The following ASTN2 variants were observed in gnomAD, a reference collection of about 807,000 sequenced individuals.
ASTN2 encodes astrotactin-2.
Under a neutral mutation model 139.8 loss-of-function variants are expected in ASTN2, and 54 were observed. The observed-to-expected ratio is 0.39, with a 90% CI of 0.31 to 0.48. The LOEUF (loss-of-function observed/expected upper bound fraction) is 0.48, where lower values mean the gene tolerates loss of function less well. Among genes scored for constraint, ASTN2 ranks in the 20% least tolerant of loss-of-function variants. The pLI, the probability that ASTN2 is intolerant of heterozygous loss-of-function variation, is 0.95. For synonymous variants in ASTN2, 756 were observed against 719.5 expected, an observed-to-expected ratio of 1.05 and a Z score of -0.81; for missense variants, 1,565 against 1,725.1, an observed-to-expected ratio of 0.91 and a Z score of 1.64.
chr9:117,244,571 AAGGGAGGGAGGG>A (rs143689553), intron 2 of ASTN2, among the ~76,000 whole-genome samples: 1,261 of 101,806 alleles, frequency 0.012, 31 homozygotes, highest in African/African-American at 0.064. Context: ...GGAAGGAAGG[AAGGGAGGGAGGG>A]AGGGAGGGAG....
intron 17 of ASTN2, among the ~76,000 whole-genome samples, chr9:116,635,842 T>A (rs1857047381): frequency 6.6e-6 from 1 of 152,200 alleles, no homozygotes; most frequent in Non-Finnish European, 1.5e-5. Flanking sequence ...AATAGATGGT[T>A]TTCATTGAGT....
At chr9:117,002,289 C>T (rs185081424) in intron 7 of ASTN2, among the ~76,000 whole-genome samples, 3 of 152,242 alleles carry the variant, frequency 2.0e-5, no homozygotes, top group Admixed American at 2.0e-4. Context: ...AGAAGTAATC[C>T]ATTCTACTGA....
intron 13 of ASTN2, among the ~76,000 whole-genome samples, chr9:116,805,427 C>A (rs941443379): frequency 6.6e-6 from 1 of 151,990 alleles, no homozygotes; most frequent in Non-Finnish European, 1.5e-5. Context: ...CAAAGTGGGA[C>A]AAATATATGC....
chr9:117,076,677 G>A (rs1391512777), intron 5 of ASTN2, among the ~76,000 whole-genome samples: 1 of 152,098 alleles, frequency 6.6e-6, no homozygotes, highest in Non-Finnish European at 1.5e-5. Flanking sequence ...CTTGTCTAAG[G>A]CAGGGGCAGC....
At chr9:117,022,572 G>A (rs759964797) in intron 6 of ASTN2, among the ~76,000 whole-genome samples, 4 of 152,076 alleles carry the variant, frequency 2.6e-5, no homozygotes, top group Admixed American at 6.6e-5. Context: ...CAATGGCAAC[G>A]CACTGATTTT....
At chr9:116,696,253 C>G (rs560171561) in intron 16 of ASTN2, among the ~76,000 whole-genome samples, 2 of 152,252 alleles carry the variant, frequency 1.3e-5, no homozygotes, top group South Asian at 4.1e-4. Context: ...CATATATACT[C>G]CCACAGTTTT....
At chr9:116,788,445 G>A (rs1311557630) in intron 13 of ASTN2, among the ~76,000 whole-genome samples, 1 of 152,052 alleles carries the variant, frequency 6.6e-6, no homozygotes, top group Non-Finnish European at 1.5e-5. Flanking sequence ...ATATATAGAA[G>A]TAGTATTTGT....
chr9:117,129,835 C>T (rs1463250254), intron 4 of ASTN2, among the ~76,000 whole-genome samples: 1 of 151,878 alleles, frequency 6.6e-6, no homozygotes, highest in Non-Finnish European at 1.5e-5. Flanking sequence ...TTTCCTTGTT[C>T]CTTCTTATTG....
intron 10 of ASTN2, among the ~76,000 whole-genome samples, chr9:116,891,679 C>T (rs1219421467): frequency 1.3e-5 from 2 of 152,178 alleles, no homozygotes; most frequent in African/African-American, 2.4e-5. Context: ...CTCTAGTCCA[C>T]GAAGTGAGTT....
rs1193359553 is a variant in ASTN2 at position 116,642,131 on chromosome 9, A to AC, written c.3072+9396dup. Among the ~76,000 whole-genome samples the AC allele has an allele frequency of 1.2e-3, 128 of 104,350 alleles. 6 individuals carry two copies. Among genetic ancestry groups the AC allele is most frequent in the Non-Finnish European group, 1.5e-3 (83 of 54,886 alleles). The allele number at this position is 104,350 out of a possible 152,430, so 68.5% of individuals were successfully genotyped here. On this transcript the variant is annotated intron_variant, in intron 17 of 22. Coordinates refer to ENST00000313400, the MANE Select transcript of ASTN2 (RefSeq NM_001365068.1). ...CTGGGAAAATGAAGGCTCCCAACCC[A>AC]CAAAAAAAAAAAAACAAAAAAAAAC...
At chr9:116,484,704 T>A (rs1351333779) in intron 20 of ASTN2, among the ~76,000 whole-genome samples, 1 of 151,982 alleles carries the variant, frequency 6.6e-6, no homozygotes, top group Non-Finnish European at 1.5e-5. Context: ...AATAGAGAAG[T>A]GTTCCGAGTT....
intron 13 of ASTN2, among the ~76,000 whole-genome samples, chr9:116,803,508 ATATATATATATATATT>A (rs1319780253): frequency 9.9e-4 from 7 of 7,072 alleles, no homozygotes; most frequent in African/African-American, 4.0e-3. Flanking sequence ...ATATATATAT[ATATATATATATATATT>A]TTTTTTTTTT....
At chr9:117,111,335 T>C (rs1239509661) in intron 4 of ASTN2, among the ~76,000 whole-genome samples, 1 of 152,126 alleles carries the variant, frequency 6.6e-6, no homozygotes. Context: ...AAGGAAATGG[T>C]GATTTTAATG....
At chr9:116,670,827 C>CATT (rs1316933085) in intron 16 of ASTN2, among the ~76,000 whole-genome samples, 2 of 152,056 alleles carry the variant, frequency 1.3e-5, no homozygotes, top group African/African-American at 2.4e-5. Flanking sequence ...TTGGCAATAA[C>CATT]ATTATTATTA....
rs1564386034 is a variant in ASTN2 at position 117,016,650 on chromosome 9, A to AGGT, written c.1424-8392_1424-8391insACC. Reference sequence around the variant, plus strand: ...TATATATATATATATATATATATATATATATAACCTATATATATGTTACAT... The same window carrying AGGT: ...TATATATATATATATATATATATATAGGTTATATAACCTATATATATGTTACAT... On this transcript the variant is annotated intron_variant, in intron 6 of 22. Transcript: ENST00000313400. 1.1e-3 allele frequency among the ~76,000 whole-genome samples: 120 copies of AGGT among 109,198 alleles called. 13 individuals carry two copies. Among genetic ancestry groups the AGGT allele is most frequent in the African/African-American group, 2.9e-3 (76 of 26,500 alleles). The allele number at this position is 109,198 out of a possible 152,430, so 71.6% of individuals were successfully genotyped here. A position where few individuals can be genotyped will look rare whatever the true frequency, so the allele number is the denominator to read the frequency against.
At chr9:116,767,805 G>A (rs1829849586) in intron 13 of ASTN2, among the ~76,000 whole-genome samples, 1 of 152,190 alleles carries the variant, frequency 6.6e-6, no homozygotes, top group African/African-American at 2.4e-5. Flanking sequence ...CAGAGGAATG[G>A]AGCAATGTGG....
chr9:117,278,204 C>T (rs1017712401), intron 2 of ASTN2, among the ~76,000 whole-genome samples: 3 of 152,166 alleles, frequency 2.0e-5, no homozygotes, highest in Non-Finnish European at 2.9e-5. Context: ...GAAATCCACT[C>T]CAGTCCTATT....
rs764534915 is a variant in ASTN2, at chr9:116,651,796, G to A, written c.2807-3C>T. The A allele has an allele frequency of 4.2e-5, 68 of 1,612,072 alleles. 1 individual carries two copies. The Admixed American group carries it at 1.1e-3, about 26-fold the overall frequency. On this transcript the variant is annotated splice_region_variant and splice_polypyrimidine_tract_variant and intron_variant, in intron 16 of 22. Coordinates refer to ENST00000313400, the MANE Select transcript of ASTN2 (RefSeq NM_001365068.1). ...CTTGCTGCCCAGCTCTGTGGTCTCT[G>A]GAGAGGCACAAGACAGGAAGAGCGA...
Position 116,690,753 on chromosome 9 carries a change from C to G in ASTN2, c.2806+35018G>C, listed in dbSNP as rs927215809. Among the ~76,000 whole-genome samples the G allele has an allele frequency of 3.9e-5, 6 of 152,248 alleles. No individual in the cohort carries two copies. The East Asian group carries it at 1.2e-3, about 29-fold the overall frequency. On this transcript the variant is annotated intron_variant, in intron 16 of 22. Coordinates refer to ENST00000313400, the MANE Select transcript of ASTN2 (RefSeq NM_001365068.1). ...TGAGACCTTGGACAGGCTACTTTCT[C>G]TGAGCATTGGTTTCCTTATTTTTGA...
Sources: allele counts gnomAD v4.1 joint callset (sites outside exome capture counted in the v4.1 genomes callset), GRCh38; gene constraint gnomAD v4.1.1; transcripts MANE v1.5; gene names NCBI Gene and HGNC (gene_info 2026-07-23, HGNC 2026-07-21).